Variants in ZWILCH observed in about 807,000 individuals in gnomAD.
ZWILCH encodes the protein protein zwilch homolog.
Under a neutral mutation model 79.9 loss-of-function variants are expected in ZWILCH, and 74 were observed. The observed-to-expected ratio is 0.93, with a 90% CI of 0.77 to 1.12. The LOEUF (loss-of-function observed/expected upper bound fraction) is 1.12. ZWILCH is among the 50% of genes most tolerant of loss of function. The probability of loss-of-function intolerance (pLI) is 0.00; values close to 1 mark genes in which losing one functional copy is unlikely to be tolerated. For missense variants in ZWILCH, 694 were observed against 687.5 expected (o/e 1.01, Z -0.11); for synonymous variants, 241 against 228.2 (o/e 1.06, Z -0.51).
In ZWILCH at chr15:66,528,936, C is replaced by G; in HGVS notation, c.1054C>G (p.Leu352Val). Residue 352 changes from leucine to valine, a missense_variant, in exon 11 of 19, where the codon CTG becomes GTG. Physicochemically the swap from Leu to Val is conservative, Grantham distance 32 (BLOSUM62 1). Coordinates refer to ENST00000307897, the MANE Select transcript of ZWILCH (RefSeq NM_017975.5). ...VRSDLDFAEQ[L>V]WCKMSSSVIS... The stretch of plus-strand genomic sequence containing the variant: ...GAGTGATCTTGATTTTGCTGAGCAA[C>G]TGTGGTGCAAAATGAGCAGTAGTAG... 6.2e-7 allele frequency: 1 copy of G among 1,613,996 alleles called. No homozygotes were observed. The highest frequency in any genetic ancestry group is 8.5e-7 in the Non-Finnish European group (1 of 1,179,908).
chr15:66,527,164 C>A, intron 8 of ZWILCH, 126 bp from the exon 9 acceptor site: 2 of 676,350 alleles, frequency 3.0e-6, no homozygotes, highest in South Asian at 1.8e-5. Flanking sequence ...AGCACCACAG[C>A]AGTACCTGGG....
chr15:66,516,986 T>G (rs1306332025), intron 4 of ZWILCH, among the ~76,000 whole-genome samples: 2 of 152,214 alleles, frequency 1.3e-5, no homozygotes, highest in Non-Finnish European at 1.5e-5. Flanking sequence ...TGCATTTTCC[T>G]TCTGGGGTTA....
At chr15:66,533,084 C>A in intron 14 of ZWILCH, 71 bp downstream of exon 14, 3 of 1,044,974 alleles carry the variant, frequency 2.9e-6, no homozygotes, top group South Asian at 1.7e-5. Context: ...TTATTAACTG[C>A]CAATAATATG....
At chr15:66,516,992 G>T in intron 4 of ZWILCH, among the ~76,000 whole-genome samples, 1 of 151,522 alleles carries the variant, frequency 6.6e-6, no homozygotes, top group African/African-American at 2.4e-5. Flanking sequence ...TTCCTTCTGG[G>T]GTTATTTTAC....
chr15:66,532,354 G>A lies in ZWILCH; in HGVS notation c.1263G>A (p.Leu421=), dbSNP rs1359033852. Residue 421 remains leucine (L), a synonymous_variant, in exon 13 of 19, where the codon TTG becomes TTA. Coordinates refer to ENST00000307897, the MANE Select transcript of ZWILCH (RefSeq NM_017975.5). ...LSGTIPVQML[L]EIGLDKLKKD... ...GGACTATTCCAGTTCAAATGCTTTTGGAAATTGGTTTGGACAAACTAAAGA... is the reference window on the plus strand; with the variant it reads ...GGACTATTCCAGTTCAAATGCTTTTAGAAATTGGTTTGGACAAACTAAAGA... The A allele has an allele frequency of 1.2e-6, 2 of 1,610,530 alleles. No homozygotes were observed. The highest frequency in any genetic ancestry group is 2.2e-5 in the South Asian group (2 of 90,588).
chr15:66,548,310 T>A (rs1341978710), intron 18 of ZWILCH, 41 bp from the exon 19 acceptor site: 4 of 408,254 alleles, frequency 9.8e-6, no homozygotes, highest in African/African-American at 2.0e-5. Context: ...TTTTTTTTTT[T>A]AATTTCTGCT....
intron 1 of ZWILCH, 126 bp downstream of exon 1, chr15:66,505,517 A>G (rs2140725146): frequency 8.2e-7 from 1 of 1,212,894 alleles, no homozygotes; most frequent in Non-Finnish European, 1.2e-6. Flanking sequence ...CCTGGGGTCC[A>G]GGAGTTGGGG....
intron 2 of ZWILCH, among the ~76,000 whole-genome samples, chr15:66,512,537 T>C (rs1894105442): frequency 1.3e-5 from 2 of 151,916 alleles, no homozygotes; most frequent in East Asian, 1.9e-4. Flanking sequence ...CAGGTGCCAA[T>C]GTGTCCAGCA....
At chr15:66,506,404 C>A (rs1893821330) in intron 1 of ZWILCH, among the ~76,000 whole-genome samples, 1 of 152,174 alleles carries the variant, frequency 6.6e-6, no homozygotes, top group South Asian at 2.1e-4. Context: ...CGCGATGGTT[C>A]ACGCCTGTAA....
At chr15:66,541,075 T>TA (rs1895176775) in intron 17 of ZWILCH, among the ~76,000 whole-genome samples, 1 of 147,454 alleles carries the variant, frequency 6.8e-6, no homozygotes, top group African/African-American at 2.5e-5. Context: ...ACTCAGGAGT[T>TA]AGAGACCAGC....
At chr15:66,537,790 G>C (rs1895062218) in intron 16 of ZWILCH, among the ~76,000 whole-genome samples, 1 of 151,976 alleles carries the variant, frequency 6.6e-6, no homozygotes, top group South Asian at 2.1e-4. Context: ...ATTCAGTAGG[G>C]ACCTCATGAC....
chr15:66,546,717 C>T lies in ZWILCH; in HGVS notation c.*26+12C>T, dbSNP rs376347010. Reference sequence around the variant, plus strand: ...AAGTCCTCTATAAGGTATTTATGTTCACATTTTAGTCTCTTTGTCAAATAC... The same window carrying T: ...AAGTCCTCTATAAGGTATTTATGTTTACATTTTAGTCTCTTTGTCAAATAC... On this transcript the variant is annotated intron_variant, in intron 18 of 18. Transcript: ENST00000307897. The T allele has an allele frequency of 2.6e-4, 371 of 1,437,378 alleles. No homozygotes were observed. Among genetic ancestry groups the T allele is most frequent in the Non-Finnish European group, 3.0e-4 (315 of 1,049,300 alleles). 89.0% of individuals were successfully genotyped at this position (1,437,378 alleles called of 1,614,324 possible).
At chr15:66,523,042 T>C (rs531821982) in intron 7 of ZWILCH, among the ~76,000 whole-genome samples, 51 of 152,184 alleles carry the variant, frequency 3.4e-4, no homozygotes, top group South Asian at 1.7e-3. Context: ...AGGCTGGTCT[T>C]GAACTTCTGA....
chr15:66,535,879 A>C (rs1894998779), intron 14 of ZWILCH, 54 bp from the exon 15 acceptor site: 1 of 1,515,992 alleles, frequency 6.6e-7, no homozygotes, highest in Non-Finnish European at 8.8e-7. Flanking sequence ...TATTCTTTAC[A>C]AAGGTTACAC....
At position 66,521,206 on chromosome 15, in the gene ZWILCH, G is replaced by A. The variant is rs1168340263; in HGVS notation, c.747+1G>A. Reference sequence around the variant, plus strand: ...TCCACTCTCTTCAACTGCAACTCTGGTAAGAGTGGGCCCTATTTCCTTTTC... The same window carrying A: ...TCCACTCTCTTCAACTGCAACTCTGATAAGAGTGGGCCCTATTTCCTTTTC... On this transcript the variant is annotated splice_donor_variant, in intron 7 of 18. Coordinates refer to ENST00000307897, the MANE Select transcript of ZWILCH (RefSeq NM_017975.5). LOFTEE classifies it high-confidence loss of function. The A allele has an allele frequency of 1.2e-6, 2 of 1,609,298 alleles. No homozygotes were observed. Among genetic ancestry groups the A allele is most frequent in the Non-Finnish European group, 1.7e-6 (2 of 1,179,906 alleles).
Position 66,528,975 on chromosome 15 carries a change from T to C in ZWILCH, c.1075+18T>C. The C allele has an allele frequency of 6.3e-7, 1 of 1,594,974 alleles. No homozygotes were observed. The highest frequency in any genetic ancestry group is 8.6e-7 in the Non-Finnish European group (1 of 1,162,966). On this transcript the variant is annotated intron_variant, in intron 11 of 18. Coordinates refer to ENST00000307897, the MANE Select transcript of ZWILCH (RefSeq NM_017975.5). ...GAGCAGTAGTAGGTGTCCATCATGA[T>C]TTAAATTTTTCCTCTTATTTCTTAG...
Position 66,517,042 on chromosome 15 carries a change from G to T in ZWILCH, c.320+1398G>T, listed in dbSNP as rs149323088. On this transcript the variant is annotated intron_variant, in intron 4 of 18. Transcript: ENST00000307897. ...AAAATCCCCTAGAAATTTTTTTCCT[G>T]GACATCTGTTGGTAATCAATTTAGT... 3.0e-3 allele frequency among the ~76,000 whole-genome samples: 449 copies of T among 151,748 alleles called. 1 individual carries two copies. The highest frequency in any genetic ancestry group is 0.01 in the African/African-American group (418 of 41,360).
chr15:66,536,433 A>G (rs1262092004), intron 15 of ZWILCH, among the ~76,000 whole-genome samples: 1 of 152,224 alleles, frequency 6.6e-6, no homozygotes, highest in Non-Finnish European at 1.5e-5. Context: ...AAATGATAAC[A>G]ATGGAATCAA....
intron 17 of ZWILCH, among the ~76,000 whole-genome samples, chr15:66,546,072 C>T (rs1294004694): frequency 1.3e-5 from 2 of 152,222 alleles, no homozygotes; most frequent in East Asian, 3.9e-4. Flanking sequence ...CCAGTGGGTG[C>T]TCAGTAAATG....
Sources: gnomAD v4.1 joint callset for allele counts (sites outside exome capture counted in the v4.1 genomes callset) on GRCh38, gnomAD v4.1.1 for gene constraint, MANE v1.5 for transcripts, NCBI Gene and HGNC (gene_info 2026-07-23, HGNC 2026-07-21) for gene names.